WDR72: variants seen among roughly 807,000 people sequenced by gnomAD.
WDR72 encodes WD repeat domain 72.
A neutral mutation model predicts 124.2 loss-of-function variants in WDR72; 120 were observed. The ratio of observed to expected loss-of-function variants is 0.97; its 90% CI spans 0.83 to 1.12. WDR72 has a LOEUF of 1.12. WDR72 is among the 50% of genes most tolerant of loss of function. WDR72 has a pLI of 0.00. For synonymous variants in WDR72, 452 were observed against 441.7 expected (o/e 1.02, Z -0.29); for missense variants, 1,387 against 1,278.8 (o/e 1.08, Z -1.29).
chr15:53,639,591 T>C (rs961871840), intron 14 of WDR72, among the ~76,000 whole-genome samples: 3 of 147,530 alleles, frequency 2.0e-5, no homozygotes, highest in South Asian at 2.2e-4. Context: ...TTAAAAATTA[T>C]ATAAAATAAA....
intron 18 of WDR72, among the ~76,000 whole-genome samples, chr15:53,578,325 T>G (rs535074751): frequency 6.6e-6 from 1 of 152,194 alleles, no homozygotes; most frequent in Admixed American, 6.6e-5. Flanking sequence ...CAGAGAGGCC[T>G]TTCCAGAGGT....
chr15:53,590,923 C>T (rs1003304046), intron 18 of WDR72, among the ~76,000 whole-genome samples: 6 of 152,012 alleles, frequency 3.9e-5, no homozygotes, highest in South Asian at 2.1e-4. Flanking sequence ...TAAAAGAGAA[C>T]ACTAGTGTTC....
At chr15:53,531,076 C>T (rs143701907) in intron 18 of WDR72, among the ~76,000 whole-genome samples, 4 of 152,192 alleles carry the variant, frequency 2.6e-5, no homozygotes, top group Admixed American at 6.5e-5. Flanking sequence ...ATTATCTAGA[C>T]TACGTCTCCA....
chr15:53,605,710 C>T (rs925767963), intron 17 of WDR72, among the ~76,000 whole-genome samples: 2 of 152,030 alleles, frequency 1.3e-5, no homozygotes, highest in African/African-American at 4.8e-5. Flanking sequence ...CAAAAATTAG[C>T]TGGGCATGGT....
chr15:53,713,724 C>G (rs184760389), intron 6 of WDR72, among the ~76,000 whole-genome samples: 2 of 152,028 alleles, frequency 1.3e-5, no homozygotes, highest in African/African-American at 2.4e-5. Context: ...TCCCAAAGTG[C>G]TGGGATTACA....
chr15:53,553,404 G>A (rs11853370), intron 18 of WDR72, among the ~76,000 whole-genome samples: 24,160 of 152,132 alleles, frequency 0.16, 2,233 homozygotes, highest in South Asian at 0.26. Flanking sequence ...CAGTGTTTTC[G>A]TGTTATGTAG....
intron 1 of WDR72, among the ~76,000 whole-genome samples, chr15:53,754,996 A>T (rs2018863558): frequency 1.3e-5 from 2 of 152,224 alleles, no homozygotes; most frequent in Non-Finnish European, 2.9e-5. Flanking sequence ...TTGGTGACAC[A>T]ATGTTAATTA....
chr15:53,592,068 G>GTCAATATCA (rs2012535835), intron 18 of WDR72, among the ~76,000 whole-genome samples: 2 of 151,956 alleles, frequency 1.3e-5, no homozygotes, highest in Non-Finnish European at 2.9e-5. Context: ...TTATCACTGT[G>GTCAATATCA]CTTTGCCCCT....
At chr15:53,535,206 A>G (rs1397652035) in intron 18 of WDR72, among the ~76,000 whole-genome samples, 1 of 152,290 alleles carries the variant, frequency 6.6e-6, no homozygotes, top group East Asian at 1.9e-4. Context: ...ATCCTACTAA[A>G]CAATAATTCT....
chr15:53,703,204 G>A (rs62007984), intron 11 of WDR72, among the ~76,000 whole-genome samples: 19,619 of 152,090 alleles, frequency 0.13, 1,841 homozygotes, highest in East Asian at 0.45. Context: ...GGTAGCCACC[G>A]CGCCCAGCCC....
chr15:53,583,797 G>A (rs1335160528), intron 18 of WDR72, among the ~76,000 whole-genome samples: 1 of 151,958 alleles, frequency 6.6e-6, no homozygotes, highest in South Asian at 2.1e-4. Flanking sequence ...AATGGCATAA[G>A]GGAAGTAGGT....
intron 13 of WDR72, among the ~76,000 whole-genome samples, chr15:53,697,918 C>G (rs2017053014): frequency 6.6e-6 from 1 of 152,136 alleles, no homozygotes; most frequent in African/African-American, 2.4e-5. Context: ...ACGCCATTCT[C>G]CTGCCTCAGC....
chr15:53,687,637 G>T (rs1195841691), intron 13 of WDR72, among the ~76,000 whole-genome samples: 2 of 145,484 alleles, frequency 1.4e-5, no homozygotes, highest in South Asian at 4.5e-4. Context: ...AGAGGTACAA[G>T]GAGGAACTGG....
rs1387648976 is a variant in WDR72, at chr15:53,694,354, C to T, written c.1765+5396G>A. Among the ~76,000 whole-genome samples the T allele has an allele frequency of 2.6e-5, 4 of 152,200 alleles. No individual in the cohort carries two copies. The East Asian group carries it at 5.8e-4, about 22-fold the overall frequency. On this transcript the variant is annotated intron_variant, in intron 13 of 19. Transcript: ENST00000360509. ...CTTCTCCTCCCTTCCCATCAGCTGTCGCTTCTGCTATCAGAGTGCCAGCCA... is the reference window on the plus strand; with the variant it reads ...CTTCTCCTCCCTTCCCATCAGCTGTTGCTTCTGCTATCAGAGTGCCAGCCA...
chr15:53,630,628 T>G, intron 14 of WDR72, among the ~76,000 whole-genome samples: 1 of 152,230 alleles, frequency 6.6e-6, no homozygotes, highest in Non-Finnish European at 1.5e-5. Context: ...TCCTAATAGA[T>G]GCACAAAAAG....
chr15:53,665,762 A>G lies in WDR72; in HGVS notation c.1772T>C (p.Leu591Ser). The change falls in exon 14 of 20, where the codon TTG becomes TCG. Residue 591 changes from leucine (L) to serine (S), a missense_variant. Physicochemically the swap from Leu to Ser is moderately radical, Grantham distance 145 (BLOSUM62 -2). Coordinates refer to ENST00000360509, the MANE Select transcript of WDR72 (RefSeq NM_182758.4). ...VYIWEIETGT[L>S]ERHETGERAR... is the part of the protein sequence containing the mutation. ...TCTTTCTCCTGTCTCATGTCTTTCC[A>G]AAGTGCCTGGAAAACAAGATTAGAG... 3 of 1,613,678 alleles carry G rather than the reference A, an allele frequency of 1.9e-6. No homozygotes were observed. The highest frequency in any genetic ancestry group is 2.5e-6 in the Non-Finnish European group (3 of 1,179,792).
intron 13 of WDR72, among the ~76,000 whole-genome samples, chr15:53,688,567 T>C (rs1323339073): frequency 1.3e-5 from 2 of 151,896 alleles, no homozygotes; most frequent in Admixed American, 6.6e-5. Context: ...TAAAAGAGGA[T>C]ACAAACAAAT....
chr15:53,679,873 T>C (rs1409616645), intron 13 of WDR72, among the ~76,000 whole-genome samples: 2 of 151,690 alleles, frequency 1.3e-5, no homozygotes. Context: ...AATGCACATA[T>C]GCATATTATA....
At chr15:53,704,869 A>T in intron 11 of WDR72, 119 bp downstream of exon 11, 1 of 1,120,592 alleles carries the variant, frequency 8.9e-7, no homozygotes, top group Non-Finnish European at 1.3e-6. Flanking sequence ...TAAAATATGT[A>T]CATATTTATC....
Sources: allele counts gnomAD v4.1 joint callset (sites outside exome capture counted in the v4.1 genomes callset), GRCh38; gene constraint gnomAD v4.1.1; transcripts MANE v1.5; gene names NCBI Gene and HGNC (gene_info 2026-07-23, HGNC 2026-07-21).